Variants in TPM3 observed in about 807,000 individuals in gnomAD.
TPM3 encodes tropomyosin alpha-3 chain.
In TPM3, 16 loss-of-function variants were observed where a neutral mutation model predicts 43.1. That is an observed-to-expected ratio of 0.37 (90% CI 0.25 to 0.56). The LOEUF (loss-of-function observed/expected upper bound fraction) is 0.56. Ranked by LOEUF, TPM3 falls within the 20% of genes least tolerant of loss-of-function variation. The probability of loss-of-function intolerance (pLI) is 0.77; values close to 1 mark genes in which losing one functional copy is unlikely to be tolerated. For synonymous variants in TPM3, 101 were observed against 116.9 expected (o/e 0.86, Z 0.88); for missense variants, 176 against 337.2 (o/e 0.52, Z 3.74).
Position 154,167,948 on chromosome 1 carries a change from A to G in TPM3, c.855-8T>C. ...AGAAACGGTGATAATTATCTGTATGAAAAAGTAAGGATACTCTAGGTGAGA... is the reference window on the plus strand; with the variant it reads ...AGAAACGGTGATAATTATCTGTATGGAAAAGTAAGGATACTCTAGGTGAGA... On this transcript the variant is annotated splice_region_variant and splice_polypyrimidine_tract_variant and intron_variant, in intron 9 of 9. Coordinates refer to ENST00000651641, the MANE Select transcript of TPM3 (RefSeq NM_152263.4). 1 of 1,614,068 alleles carries G rather than the reference A, an allele frequency of 6.2e-7. No homozygotes were observed. The highest frequency in any genetic ancestry group is 8.5e-7 in the Non-Finnish European group (1 of 1,179,968).
chr1:154,183,072 A>G (rs1335706261), intron 2 of TPM3: 4 of 1,603,294 alleles, frequency 2.5e-6, no homozygotes, highest in Non-Finnish European at 3.4e-6. Flanking sequence ...GCTGCTGCAG[A>G]ACCTGGATCT....
rs148621601 is a variant in TPM3 at position 154,191,119 on chromosome 1, C to T, written c.243+67G>A. Reference sequence around the variant, plus strand: ...GAACCCACAAGTGTGTTTGGAATTTCGTCATACATTAACATAAAGATCTAT... The same window carrying T: ...GAACCCACAAGTGTGTTTGGAATTTTGTCATACATTAACATAAAGATCTAT... On this transcript the variant is annotated intron_variant, in intron 2 of 9. Coordinates refer to ENST00000651641, the MANE Select transcript of TPM3 (RefSeq NM_152263.4). 4.8e-4 allele frequency: 770 copies of T among 1,611,588 alleles called. 1 individual carries two copies. The African/African-American group carries it at 6.1e-3, about 13-fold the overall frequency.
chr1:154,191,401 TC>T, intron 1 of TPM3, 90 bp from the exon 2 acceptor site: 2 of 1,593,280 alleles, frequency 1.3e-6, no homozygotes, highest in Non-Finnish European at 1.7e-6. Flanking sequence ...GAGTGTAACC[TC>T]CATGTTACCA....
downstream of TPM3, among the ~76,000 whole-genome samples, chr1:154,157,875 T>C (rs1659969270): frequency 6.6e-6 from 1 of 152,230 alleles, no homozygotes; most frequent in Non-Finnish European, 1.5e-5. Context: ...CACCCAGTTT[T>C]GTAGGGCCTT....
chr1:154,174,407 T>TATATATATACATACACACAC (rs1261318136), intron 3 of TPM3, among the ~76,000 whole-genome samples: 2 of 72,678 alleles, frequency 2.8e-5, no homozygotes, highest in African/African-American at 1.0e-4. Context: ...TATATATATA[T>TATATATATACATACACACAC]ACACACAAAA....
At position 154,163,060 on chromosome 1, in the gene TPM3, C is replaced by T. The variant is rs1435009828; in HGVS notation, c.*4877G>A. ...TCTTGACCTTGTGATCCACCTGCCT[C>T]GGCTTCCCAAAGTGTTGGGATTACA... On this transcript the variant is annotated 3_prime_UTR_variant, in exon 10 of 10. Coordinates refer to ENST00000651641, the MANE Select transcript of TPM3 (RefSeq NM_152263.4). Among the ~76,000 whole-genome samples, 5 of 152,210 alleles carry T rather than the reference C, an allele frequency of 3.3e-5. No homozygotes were observed. Among genetic ancestry groups the T allele is most frequent in the Non-Finnish European group, 5.9e-5 (4 of 68,040 alleles).
chr1:154,190,635 G>A (rs2148293835), intron 2 of TPM3, among the ~76,000 whole-genome samples: 1 of 152,296 alleles, frequency 6.6e-6, no homozygotes, highest in Non-Finnish European at 1.5e-5. Flanking sequence ...TGCCCTAGGA[G>A]CAATGCTTCA....
intron 2 of TPM3, among the ~76,000 whole-genome samples, chr1:154,190,245 A>G (rs911411034): frequency 1.3e-5 from 2 of 152,188 alleles, no homozygotes; most frequent in African/African-American, 4.8e-5. Context: ...CCCAGCCCAA[A>G]TATGATTTTA....
At position 154,165,998 on chromosome 1, in the gene TPM3, G is replaced by C. The variant is rs1196514268; in HGVS notation, c.*1939C>G. Among the ~76,000 whole-genome samples, 1 of 152,024 alleles carries C rather than the reference G, an allele frequency of 6.6e-6. No homozygotes were observed. Among genetic ancestry groups the C allele is most frequent in the Admixed American group, 6.6e-5 (1 of 15,266 alleles). On this transcript the variant is annotated 3_prime_UTR_variant, in exon 10 of 10. Transcript: ENST00000651641. ...TGTTTTCTCTCCTAGTAGATTCTAA[G>C]CAACTTGAGAGTAGGAATGGTGCCT...
rs1228508084 is a variant in TPM3, at chr1:154,165,066, T to C, written c.*2871A>G. The stretch of plus-strand genomic sequence containing the variant: ...GGCCTTCTCATCTCTATCAATGCCT[T>C]TATTATTTTGTTTCTCTTTAAATGG... On this transcript the variant is annotated 3_prime_UTR_variant, in exon 10 of 10. Transcript: ENST00000651641. 6.6e-6 allele frequency among the ~76,000 whole-genome samples: 1 copy of C among 152,130 alleles called. No homozygotes were observed. Among genetic ancestry groups the C allele is most frequent in the Admixed American group, 6.6e-5 (1 of 15,266 alleles).
At chr1:154,176,848 G>A (rs1029178892) in intron 2 of TPM3, among the ~76,000 whole-genome samples, 8 of 151,644 alleles carry the variant, frequency 5.3e-5, no homozygotes, top group African/African-American at 1.2e-4. Context: ...GTGTGGTGGC[G>A]CGTACCTCTA....
At chr1:154,155,427 G>A (rs1659697720), downstream of TPM3, 1 of 273,620 alleles carries the variant, frequency 3.7e-6, no homozygotes, top group African/African-American at 2.2e-5. Flanking sequence ...AGTTAGCATT[G>A]GTCCATGCCT....
rs1661057476 is a variant in TPM3, at chr1:154,167,010, A to T, written c.*927T>A. Among the ~76,000 whole-genome samples, 2 of 152,220 alleles carry T rather than the reference A, an allele frequency of 1.3e-5. No individual in the cohort carries two copies. Among genetic ancestry groups the T allele is most frequent in the Non-Finnish European group, 2.9e-5 (2 of 68,030 alleles). On this transcript the variant is annotated 3_prime_UTR_variant, in exon 10 of 10. Coordinates refer to ENST00000651641, the MANE Select transcript of TPM3 (RefSeq NM_152263.4). Reference sequence around the variant, plus strand: ...TAATGGGAATTTCTAAAATGTTGATATTTAATTCCACAATATGAACCAAGG... The same window carrying T: ...TAATGGGAATTTCTAAAATGTTGATTTTTAATTCCACAATATGAACCAAGG...
In TPM3 at chr1:154,172,907, C is replaced by T. The variant is rs1214297706; in HGVS notation, c.566+1G>A. The T allele has an allele frequency of 1.2e-6, 2 of 1,614,162 alleles. No homozygotes were observed. The highest frequency in any genetic ancestry group is 2.2e-5 in the East Asian group (1 of 44,880). On this transcript the variant is annotated splice_donor_variant, in intron 5 of 9. Transcript: ENST00000651641. LOFTEE classifies it high-confidence loss of function. ...CAAGATTTGGGGAGCTAGATACTCA[C>T]GACTCTGCCAGCTCAGCTCGTTCCT... is the stretch of plus-strand genomic sequence containing the variant.
intron 2 of TPM3, among the ~76,000 whole-genome samples, chr1:154,190,642 T>C (rs1663639253): frequency 1.3e-5 from 2 of 152,218 alleles, no homozygotes; most frequent in Non-Finnish European, 1.5e-5. Flanking sequence ...GGAGCAATGC[T>C]TCATATGGCA....
At chr1:154,181,048 C>A (rs1000503952) in intron 2 of TPM3, among the ~76,000 whole-genome samples, 8 of 152,192 alleles carry the variant, frequency 5.3e-5, no homozygotes, top group African/African-American at 1.9e-4. Context: ...CCTCTGTCTT[C>A]CCCTTTAAAG....
At chr1:154,160,382 A>G (rs1457612233), downstream of TPM3, among the ~76,000 whole-genome samples, 5 of 152,204 alleles carry the variant, frequency 3.3e-5, no homozygotes, top group Non-Finnish European at 7.3e-5. Context: ...CTCTCCCCAG[A>G]TTGACTGGGA....
chr1:154,158,796 T>C, downstream of TPM3: 4 of 629,252 alleles, frequency 6.4e-6, no homozygotes, highest in South Asian at 5.0e-5. Context: ...AACTTCACAA[T>C]GGTCAACTTC....
At chr1:154,184,627 A>T in intron 2 of TPM3, among the ~76,000 whole-genome samples, 1 of 152,326 alleles carries the variant, frequency 6.6e-6, no homozygotes, top group South Asian at 2.1e-4. Context: ...ATTACAGACC[A>T]CTGTCAGCCG....
Sources: gnomAD v4.1 joint callset for allele counts (sites outside exome capture counted in the v4.1 genomes callset) on GRCh38, gnomAD v4.1.1 for gene constraint, MANE v1.5 for transcripts, NCBI Gene and HGNC (gene_info 2026-07-23, HGNC 2026-07-21) for gene names.